The following SHTN1 variants were observed in gnomAD, a reference collection of about 807,000 sequenced individuals.
The protein encoded by SHTN1 is shootin-1.
A neutral mutation model predicts 83.1 loss-of-function variants in SHTN1; 42 were observed. The observed-to-expected ratio is 0.51, with a 90% CI of 0.39 to 0.65. The LOEUF (loss-of-function observed/expected upper bound fraction) is 0.65, where lower values mean the gene tolerates loss of function less well. SHTN1 is among the 30% of genes least tolerant of loss of function. SHTN1 has a pLI of 0.00. For missense variants in SHTN1, 622 were observed against 737.8 expected (o/e 0.84, Z 1.82); for synonymous variants, 224 against 247.7 (o/e 0.90, Z 0.90).
intron 1 of SHTN1, among the ~76,000 whole-genome samples, chr10:117,106,240 A>T (rs1853667359): frequency 6.6e-6 from 1 of 152,146 alleles, no homozygotes; most frequent in Admixed American, 6.5e-5. Flanking sequence ...GCGAATCAGG[A>T]GGTCAAGAGA....
intron 1 of SHTN1, among the ~76,000 whole-genome samples, chr10:117,126,137 T>A (rs909496694): frequency 1.8e-4 from 27 of 152,098 alleles, no homozygotes; most frequent in Non-Finnish European, 1.9e-4. Context: ...CCGCTTGACG[T>A]CACTTCCCGC....
chr10:116,901,928 ACT>A lies in SHTN1; in HGVS notation c.1508_1509del (p.Glu503ValfsTer36), dbSNP rs1487620936. ...GAACCCAACACTGGCATGGATTTGG[ACT>A]CTGAGGTGGCTAATATCCCAGTTGG... ...SSPTGILATS[E>X]SKSMPVLGSV... On this transcript the variant is annotated frameshift_variant, in exon 16 of 17. Coordinates refer to ENST00000355371, the MANE Select transcript of SHTN1 (RefSeq NM_001127211.3). LOFTEE classifies it high-confidence loss of function. 1 of 1,602,578 alleles carries A rather than the reference ACT, an allele frequency of 6.2e-7. No homozygotes were observed. The highest frequency in any genetic ancestry group is 2.3e-5 in the East Asian group (1 of 44,044).
intron 14 of SHTN1, 102 bp from the exon 15 acceptor site, chr10:116,906,849 G>C (rs988064025): frequency 2.1e-6 from 2 of 963,150 alleles, no homozygotes; most frequent in Non-Finnish European, 2.9e-6. Flanking sequence ...AATTTGAATG[G>C]AATTATGAAA....
chr10:117,111,390 TTCAA>T (rs1394764336), intron 1 of SHTN1, among the ~76,000 whole-genome samples: 1 of 151,490 alleles, frequency 6.6e-6, no homozygotes, highest in African/African-American at 2.4e-5. Context: ...GCCTCCCAGG[TTCAA>T]GCGATTATCC....
intron 1 of SHTN1, among the ~76,000 whole-genome samples, chr10:116,989,997 G>A (rs1851361596): frequency 6.6e-6 from 1 of 152,120 alleles, no homozygotes; most frequent in South Asian, 2.1e-4. Context: ...AATCCTGGGA[G>A]AACAGAACAG....
intron 1 of SHTN1, among the ~76,000 whole-genome samples, chr10:116,991,195 A>G (rs917836829): frequency 1.3e-5 from 2 of 152,028 alleles, no homozygotes; most frequent in Admixed American, 6.6e-5. Context: ...CAAAAAAGAA[A>G]AAAAAAGAAG....
Position 117,073,879 on chromosome 10 carries a change from C to A in SHTN1, c.-188-25369G>T, listed in dbSNP as rs184458846. On this transcript the variant is annotated intron_variant, in intron 1 of 17. Coordinates refer to the SHTN1 transcript ENST00000392901. ...GAGGCAGCCATCAGGATTAGTACCC[C>A]CTAGGCACTGTCCCCCTCCAGAGCT... Among the ~76,000 whole-genome samples the A allele has an allele frequency of 2.8e-3, 429 of 152,188 alleles. 2 individuals are homozygous for A. The highest frequency in any genetic ancestry group is 0.01 in the African/African-American group (420 of 41,522).
chr10:116,946,874 AC>A (rs1427830722), intron 7 of SHTN1, among the ~76,000 whole-genome samples: 2 of 151,520 alleles, frequency 1.3e-5, no homozygotes, highest in African/African-American at 4.9e-5. Flanking sequence ...GGTGCGTGCC[AC>A]CATATCTGGC....
chr10:117,041,910 C>T (rs777734844), intron 2 of SHTN1, among the ~76,000 whole-genome samples: 38 of 152,058 alleles, frequency 2.5e-4, no homozygotes, highest in Non-Finnish European at 4.6e-4. Flanking sequence ...ATGATATTCC[C>T]AATTTTACAT....
intron 1 of SHTN1, among the ~76,000 whole-genome samples, chr10:116,995,687 T>C (rs1851601777): frequency 6.6e-6 from 1 of 152,158 alleles, no homozygotes; most frequent in African/African-American, 2.4e-5. Flanking sequence ...ACTGGTTATA[T>C]TGCCAAAGTT....
Position 116,980,559 on chromosome 10 carries a change from A to AC in SHTN1, c.59-1252dup, listed in dbSNP as rs397847842. On this transcript the variant is annotated intron_variant, in intron 1 of 16. Transcript: ENST00000355371. ...TGGATTTATCTACCAAAAAAAAAAA[A>AC]CCCTCAGTTTTTCTTTTAAGAAAGA... 2.6e-5 allele frequency among the ~76,000 whole-genome samples: 4 copies of AC among 151,284 alleles called. No individual in the cohort carries two copies. The South Asian group carries it at 8.4e-4, about 32-fold the overall frequency.
intron 2 of SHTN1, among the ~76,000 whole-genome samples, chr10:117,047,231 A>C (rs1852676728): frequency 6.6e-6 from 1 of 151,900 alleles, no homozygotes; most frequent in South Asian, 2.1e-4. Flanking sequence ...TGCCTGGCTA[A>C]TTTTTTTGTA....
chr10:117,120,956 T>C (rs1853915167), intron 1 of SHTN1, among the ~76,000 whole-genome samples: 1 of 152,040 alleles, frequency 6.6e-6, no homozygotes, highest in Non-Finnish European at 1.5e-5. Context: ...ATTACAGAAG[T>C]GTGCCAACAT....
At position 117,028,571 on chromosome 10, in the gene SHTN1, T is replaced by C. The variant is rs186700102; in HGVS notation, c.-123+19874A>G. 8.0e-4 allele frequency among the ~76,000 whole-genome samples: 122 copies of C among 152,192 alleles called. 2 individuals are homozygous for C. The highest frequency in any genetic ancestry group is 6.5e-3 in the Admixed American group (100 of 15,286). Reference sequence around the variant, plus strand: ...GGCCAGGCCCAGTGCTCCACTGCCCTGGCACAGCCTCAAAATATGGCTCCC... The same window carrying C: ...GGCCAGGCCCAGTGCTCCACTGCCCCGGCACAGCCTCAAAATATGGCTCCC... On this transcript the variant is annotated intron_variant, in intron 2 of 17. Coordinates refer to the SHTN1 transcript ENST00000392901.
intron 1 of SHTN1, among the ~76,000 whole-genome samples, chr10:117,086,955 A>G (rs530386468): frequency 1.3e-5 from 2 of 152,326 alleles, no homozygotes; most frequent in South Asian, 2.1e-4. Context: ...ACGCTGCAAC[A>G]TGAATGAGCC....
chr10:117,072,627 C>T (rs1295121717), intron 1 of SHTN1, among the ~76,000 whole-genome samples: 1 of 152,166 alleles, frequency 6.6e-6, no homozygotes, highest in African/African-American at 2.4e-5. Flanking sequence ...ATCACTACAG[C>T]TTGGCTCTCA....
chr10:116,954,328 G>T, intron 4 of SHTN1, 118 bp from the exon 5 acceptor site: 1 of 584,978 alleles, frequency 1.7e-6, no homozygotes, highest in South Asian at 2.6e-5. Flanking sequence ...ACTCACAGCA[G>T]GACATAACAA....
chr10:116,931,826 T>C (rs1338205802), intron 9 of SHTN1, among the ~76,000 whole-genome samples: 1 of 152,208 alleles, frequency 6.6e-6, no homozygotes, highest in Non-Finnish European at 1.5e-5. Context: ...GGATACTTGG[T>C]TAATCTTCTT....
chr10:116,972,504 A>C (rs1850652404), intron 2 of SHTN1, among the ~76,000 whole-genome samples: 1 of 152,224 alleles, frequency 6.6e-6, no homozygotes, highest in Non-Finnish European at 1.5e-5. Context: ...CCCAGAAAAG[A>C]ATCTTGCAAA....
Sources: allele counts gnomAD v4.1 joint callset (sites outside exome capture counted in the v4.1 genomes callset), GRCh38; gene constraint gnomAD v4.1.1; transcripts MANE v1.5; gene names NCBI Gene and HGNC (gene_info 2026-07-23, HGNC 2026-07-21).